Variants in HYDIN observed in about 807,000 individuals in gnomAD.
The protein encoded by HYDIN is HYDIN axonemal central pair apparatus protein, also known as axonemal central pair apparatus protein HYDIN.
In HYDIN, 132 loss-of-function variants were observed where a neutral mutation model predicts 403.9. The observed-to-expected ratio is 0.33, with a 90% CI of 0.28 to 0.38. HYDIN has a LOEUF of 0.38. Ranked by LOEUF, HYDIN falls within the 10% of genes least tolerant of loss-of-function variation. The pLI is 1.00. For missense variants in HYDIN, 2,827 were observed against 5,009.5 expected, an observed-to-expected ratio of 0.56 and a Z score of 13.15; for synonymous variants, 1,202 against 1,891.7, an observed-to-expected ratio of 0.64 and a Z score of 9.46.
chr16:71,051,659 A>C (rs1319609565), intron 18 of HYDIN, among the ~76,000 whole-genome samples: 16 of 107,340 alleles, frequency 1.5e-4, no homozygotes, highest in African/African-American at 4.0e-4. Flanking sequence ...AAAAAAAAAA[A>C]CAAAAAAAAC....
intron 1 of HYDIN, among the ~76,000 whole-genome samples, chr16:71,230,053 G>C (rs1035352703): frequency 3.3e-5 from 5 of 152,160 alleles, no homozygotes; most frequent in Non-Finnish European, 7.3e-5. Flanking sequence ...ACACGACTTT[G>C]CTCCTCCTTT....
intron 38 of HYDIN, among the ~76,000 whole-genome samples, chr16:70,960,780 C>A (rs568439950): frequency 6.6e-6 from 1 of 152,348 alleles, no homozygotes; most frequent in Admixed American, 6.5e-5. Context: ...CAACCTCCGC[C>A]TCCCGGGTTC....
chr16:70,905,951 C>G (rs943889737), intron 50 of HYDIN, among the ~76,000 whole-genome samples: 3 of 151,822 alleles, frequency 2.0e-5, no homozygotes, highest in African/African-American at 7.3e-5. Context: ...AATTTTTAAT[C>G]CAGCATCTCA....
intron 84 of HYDIN, among the ~76,000 whole-genome samples, chr16:70,815,601 A>G (rs1021241614): frequency 6.6e-5 from 10 of 151,686 alleles, no homozygotes; most frequent in Non-Finnish European, 1.3e-4. Flanking sequence ...TAGTAGAGAC[A>G]AAGAGGATCA....
rs1409882902 is a variant in HYDIN at position 70,805,305 on chromosome 16, T to C, written c.*2275A>G. Among the ~76,000 whole-genome samples the C allele has an allele frequency of 1.3e-5, 2 of 152,180 alleles. No homozygotes were observed. Among genetic ancestry groups the C allele is most frequent in the Non-Finnish European group, 2.9e-5 (2 of 68,022 alleles). ...CAAATCGCCTGGAGGTCCATGAAAA[T>C]GCAGATTCTGATTCAACAAGTCTAG... On this transcript the variant is annotated 3_prime_UTR_variant, in exon 86 of 86. Coordinates refer to ENST00000393567, the MANE Select transcript of HYDIN (RefSeq NM_001270974.2).
chr16:71,218,828 A>G (rs1229181458), intron 1 of HYDIN, among the ~76,000 whole-genome samples: 1 of 152,228 alleles, frequency 6.6e-6, no homozygotes, highest in Admixed American at 6.5e-5. Flanking sequence ...AATGAAATGC[A>G]TAAGGCCCCT....
Position 71,223,402 on chromosome 16 carries a change from T to C in HYDIN, c.-24+7160A>G, listed in dbSNP as rs547351516. On this transcript the variant is annotated intron_variant, in intron 1 of 85. Transcript: ENST00000393567. ...GATAACATTGGAAAAACTCTTCTTC[T>C]GGCATTGGCTTAGGCAGAAATTCAG... Among the ~76,000 whole-genome samples the C allele has an allele frequency of 3.3e-5, 5 of 152,280 alleles. No homozygotes were observed. In the South Asian group the frequency reaches 1.0e-3, roughly 32 times the overall value.
chr16:70,808,056 A>G lies in HYDIN; in HGVS notation c.14890T>C (p.Cys4964Arg), dbSNP rs2035212159. ...AGTTTTTCTGCGTGGAAGTCTGTACAGTCGGTCTGAAAGGGGAACAAACAA... is the reference window on the plus strand; with the variant it reads ...AGTTTTTCTGCGTGGAAGTCTGTACGGTCGGTCTGAAAGGGGAACAAACAA... ...QRTEYYCRTD[C>R]TDFHAEKLIN... Residue 4964 changes from cysteine to arginine, a missense_variant, in exon 86 of 86, where the codon TGT becomes CGT. Transcript: ENST00000393567. The G allele has an allele frequency of 1.9e-6, 3 of 1,604,990 alleles. No homozygotes were observed. The highest frequency in any genetic ancestry group is 2.6e-6 in the Non-Finnish European group (3 of 1,174,440).
Position 70,860,167 on chromosome 16 carries a change from G to A in HYDIN, c.12030C>T (p.Ser4010=). ...CAATTTCTTCAGAGATCCAGCAGAA[G>A]GAGTAGGTGCTATTGGTTGGGTTTA... ...TILNPTNSTY[S]FCWISEEIES... Residue 4010 remains serine (S), a synonymous_variant, in exon 71 of 86, where the codon TCC becomes TCT. Coordinates refer to ENST00000393567, the MANE Select transcript of HYDIN (RefSeq NM_001270974.2). 1.2e-6 allele frequency: 2 copies of A among 1,614,142 alleles called. No individual in the cohort carries two copies. The highest frequency in any genetic ancestry group is 1.7e-6 in the Non-Finnish European group (2 of 1,179,972).
rs781040847 is a variant in HYDIN, at chr16:70,941,625, G to T, written c.6853+11C>A. On this transcript the variant is annotated intron_variant, in intron 43 of 85. Transcript: ENST00000393567. Reference sequence around the variant, plus strand: ...TTCACTTAAGCCCAATGGAAAGGTAGGAGGCCTTGCCTTCTTGCTCCTTTT... The same window carrying T: ...TTCACTTAAGCCCAATGGAAAGGTATGAGGCCTTGCCTTCTTGCTCCTTTT... 1.8e-5 allele frequency: 27 copies of T among 1,508,102 alleles called. No homozygotes were observed. The East Asian group carries it at 6.0e-4, about 34-fold the overall frequency. 93.4% of individuals were successfully genotyped at this position (1,508,102 alleles called of 1,614,324 possible).
At chr16:70,994,613 G>C (rs1169904459) in intron 23 of HYDIN, among the ~76,000 whole-genome samples, 1 of 146,764 alleles carries the variant, frequency 6.8e-6, no homozygotes, top group Non-Finnish European at 1.5e-5. Flanking sequence ...CCTGAACCTT[G>C]TCCTCTGACA....
At chr16:70,900,390 T>C (rs2076334557) in intron 53 of HYDIN, among the ~76,000 whole-genome samples, 2 of 151,716 alleles carry the variant, frequency 1.3e-5, no homozygotes, top group African/African-American at 4.8e-5. Flanking sequence ...GGCAGGAGAA[T>C]TGCTTGAACC....
rs372808141 is a variant in HYDIN at position 71,063,794 on chromosome 16, T to G, written c.2211+911A>C. 2.6e-3 allele frequency among the ~76,000 whole-genome samples: 391 copies of G among 152,252 alleles called. 4 individuals carry two copies. Among genetic ancestry groups the G allele is most frequent in the African/African-American group, 8.7e-3 (363 of 41,546 alleles). On this transcript the variant is annotated intron_variant, in intron 16 of 85. Coordinates refer to ENST00000393567, the MANE Select transcript of HYDIN (RefSeq NM_001270974.2). ...ACACACATATGATTGGATTTGCAGA[T>G]GCCATGGATTGCCATTTTGGTTACT...
chr16:70,892,318 G>A lies in HYDIN; in HGVS notation c.9417+43C>T, dbSNP rs113236019. ...TCCTTCTTTGCAACAGGAGTCGTAC[G>A]ATCCTGCCATTGAGGCAGCCCCTCC... On this transcript the variant is annotated intron_variant, in intron 56 of 85. Coordinates refer to ENST00000393567, the MANE Select transcript of HYDIN (RefSeq NM_001270974.2). 8,578 of 1,565,310 alleles carry A rather than the reference G, an allele frequency of 5.5e-3. 373 individuals are homozygous for A. In the African/African-American group the frequency reaches 0.1, roughly 18 times the overall value.
chr16:71,192,435 G>A (rs760107523), intron 1 of HYDIN, among the ~76,000 whole-genome samples: 6 of 151,878 alleles, frequency 4.0e-5, no homozygotes, highest in African/African-American at 9.7e-5. Flanking sequence ...AAATCGTTTC[G>A]TCCGGAACAC....
intron 4 of HYDIN, among the ~76,000 whole-genome samples, chr16:71,176,399 T>C (rs1239448337): frequency 6.6e-6 from 1 of 152,120 alleles, no homozygotes; most frequent in Non-Finnish European, 1.5e-5. Flanking sequence ...TTCCCAACAT[T>C]TGAGCATTTG....
At chr16:71,197,578 C>T (rs761954191) in intron 1 of HYDIN, among the ~76,000 whole-genome samples, 3 of 152,160 alleles carry the variant, frequency 2.0e-5, no homozygotes, top group Admixed American at 6.5e-5. Flanking sequence ...AAGTGCCTCA[C>T]ATAAAGAATT....
intron 30 of HYDIN, among the ~76,000 whole-genome samples, chr16:70,976,650 T>C (rs2078896775): frequency 6.6e-6 from 1 of 151,948 alleles, no homozygotes; most frequent in African/African-American, 2.4e-5. Context: ...ACCCTTTTTT[T>C]TTCAATTCCC....
At chr16:70,984,357 T>G (rs920040104) in intron 28 of HYDIN, among the ~76,000 whole-genome samples, 1 of 144,748 alleles carries the variant, frequency 6.9e-6, no homozygotes, top group African/African-American at 2.6e-5. Context: ...TGCACTCCAG[T>G]CTAGGTGACA....
Sources: gnomAD v4.1 joint callset for allele counts (sites outside exome capture counted in the v4.1 genomes callset) on GRCh38, gnomAD v4.1.1 for gene constraint, MANE v1.5 for transcripts, NCBI Gene and HGNC (gene_info 2026-07-23, HGNC 2026-07-21) for gene names.